The following ESF1 variants were observed in gnomAD, a reference collection of about 807,000 sequenced individuals.
ESF1 encodes ESF1 homolog.
In ESF1, 58 loss-of-function variants were observed where a neutral mutation model predicts 92.0. That is an observed-to-expected ratio of 0.63 (90% CI 0.51 to 0.78). The LOEUF is 0.78. Among genes scored for constraint, ESF1 ranks in the 30% least tolerant of loss-of-function variants. The pLI is 0.00. For synonymous variants in ESF1, 321 were observed against 313.7 expected, an observed-to-expected ratio of 1.02 and a Z score of -0.24; for missense variants, 922 against 989.1, an observed-to-expected ratio of 0.93 and a Z score of 0.91.
chr20:13,772,709 T>G, intron 4 of ESF1, 94 bp from the exon 5 acceptor site: 1 of 842,590 alleles, frequency 1.2e-6, no homozygotes, highest in South Asian at 1.5e-5. Context: ...AGTCACAACT[T>G]GACTCAATGA....
At chr20:13,723,927 T>C (rs144629259) in intron 11 of ESF1, among the ~76,000 whole-genome samples, 89 of 152,360 alleles carry the variant, frequency 5.8e-4, no homozygotes, top group East Asian at 2.5e-3. Context: ...AAACTAATAA[T>C]GAAGGCAACA....
At chr20:13,774,568 A>T (rs1979838967) in intron 4 of ESF1, among the ~76,000 whole-genome samples, 1 of 152,148 alleles carries the variant, frequency 6.6e-6, no homozygotes, top group Non-Finnish European at 1.5e-5. Flanking sequence ...ATCCATTTGG[A>T]TATATTGGAA....
intron 9 of ESF1, among the ~76,000 whole-genome samples, chr20:13,739,283 T>C (rs1418715433): frequency 6.6e-6 from 1 of 152,200 alleles, no homozygotes; most frequent in African/African-American, 2.4e-5. Flanking sequence ...TTCTTCCAAA[T>C]CGCCTTTTAC....
chr20:13,775,735 C>A lies in ESF1; in HGVS notation c.1035+138G>T, dbSNP rs73259205. 1.4e-3 allele frequency: 1,377 copies of A among 961,432 alleles called. 14 individuals are homozygous for A. The African/African-American group carries it at 0.021, about 15-fold the overall frequency. 59.6% of individuals were successfully genotyped at this position (961,432 alleles called of 1,614,324 possible). On this transcript the variant is annotated intron_variant, in intron 3 of 13. Transcript: ENST00000617257. ...TCTTCTAGTTCATATAATTATATTC[C>A]ATATCAAATTTTAATCAGAATCATA... is the stretch of plus-strand genomic sequence containing the variant.
intron 2 of ESF1, among the ~76,000 whole-genome samples, chr20:13,778,547 A>G (rs1232410884): frequency 6.6e-6 from 1 of 152,136 alleles, no homozygotes; most frequent in African/African-American, 2.4e-5. Context: ...GGGTAATTAC[A>G]TTGTTTTCTA....
chr20:13,761,354 G>A (rs563364336), intron 8 of ESF1, among the ~76,000 whole-genome samples: 4 of 144,792 alleles, frequency 2.8e-5, no homozygotes, highest in East Asian at 2.0e-4. Context: ...CCCCCTCTGC[G>A]AGAAACACCC....
rs917710360 is a variant in ESF1, at chr20:13,736,157, T to C, written c.1829-2315A>G. On this transcript the variant is annotated intron_variant, in intron 9 of 13. Transcript: ENST00000617257. ...CTACATCAGGTTTTCTCAATTTCAGTATTATTGTTATTTTGGACCAGATAA... is the reference window on the plus strand; with the variant it reads ...CTACATCAGGTTTTCTCAATTTCAGCATTATTGTTATTTTGGACCAGATAA... Among the ~76,000 whole-genome samples the C allele has an allele frequency of 3.9e-5, 6 of 152,296 alleles. No homozygotes were observed. In the South Asian group the frequency reaches 1.2e-3, roughly 32 times the overall value.
In ESF1 at chr20:13,775,204, G is replaced by T. The variant is rs370161105; in HGVS notation, c.1102C>A (p.Leu368Met). The T allele has an allele frequency of 1.4e-5, 22 of 1,610,942 alleles. No individual in the cohort carries two copies. Among genetic ancestry groups the T allele is most frequent in the Admixed American group, 3.4e-5 (2 of 59,160 alleles). Residue 368 changes from leucine (L) to methionine (M), a missense_variant, in exon 4 of 14, where the codon CTG becomes ATG. Coordinates refer to ENST00000617257, the MANE Select transcript of ESF1 (RefSeq NM_001276380.2). ...DRLKAKDLLA[L>M]FNSFKPKGGV... is the part of the protein sequence containing the mutation. ...CCTTTGGGTTTAAATGAATTGAACA[G>T]AGCCAGCAAATCTTTTGCCTTTAAT...
At chr20:13,736,507 G>A (rs2049976397) in intron 9 of ESF1, among the ~76,000 whole-genome samples, 1 of 152,152 alleles carries the variant, frequency 6.6e-6, no homozygotes, top group Non-Finnish European at 1.5e-5. Flanking sequence ...GCAGCTTAAA[G>A]TCACCTTCTT....
Position 13,714,706 on chromosome 20 carries a change from C to G in ESF1, c.*168G>C, listed in dbSNP as rs1600260281. ...GAATATACAATAAAAATTTGTCAGT[C>G]ATCCACAATTAAGTACAATTATTTA... On this transcript the variant is annotated 3_prime_UTR_variant, in exon 14 of 14. Transcript: ENST00000617257. 1.7e-6 allele frequency: 1 copy of G among 597,834 alleles called. No individual in the cohort carries two copies. Among genetic ancestry groups the G allele is most frequent in the East Asian group, 2.9e-5 (1 of 34,712 alleles). 37.0% of individuals were successfully genotyped at this position (597,834 alleles called of 1,614,324 possible).
At position 13,776,249 on chromosome 20, in the gene ESF1, CTT is replaced by C. The variant is rs1351668613; in HGVS notation, c.657_658del (p.Asp221GlnfsTer2). 6.2e-7 allele frequency: 1 copy of C among 1,612,692 alleles called. No individual in the cohort carries two copies. The highest frequency in any genetic ancestry group is 8.5e-7 in the Non-Finnish European group (1 of 1,179,518). On this transcript the variant is annotated frameshift_variant, in exon 3 of 14. Coordinates refer to ENST00000617257, the MANE Select transcript of ESF1 (RefSeq NM_001276380.2). LOFTEE classifies it high-confidence loss of function. ...TGAGTTTTCATAACCATCACTGTCTCTTGTCATTATGAGTTGAACCACTGCAA... is the reference window on the plus strand; with the variant it reads ...TGAGTTTTCATAACCATCACTGTCTCGTCATTATGAGTTGAACCACTGCAA...
Position 13,784,910 on chromosome 20 carries a change from G to T in ESF1, c.-74C>A. On this transcript the variant is annotated 5_prime_UTR_variant, in exon 1 of 14. Coordinates refer to ENST00000617257, the MANE Select transcript of ESF1 (RefSeq NM_001276380.2). ...GCAGTCCTACCAAGCCTCACGTGGG[G>T]CTCACACCCACAATCCTCCGCGTGA... The T allele has an allele frequency of 6.0e-6, 4 of 666,332 alleles. No individual in the cohort carries two copies. Among genetic ancestry groups the T allele is most frequent in the Non-Finnish European group, 1.0e-5 (4 of 389,702 alleles). The allele number at this position is 666,332 out of a possible 1,614,324, so 41.3% of individuals were successfully genotyped here.
chr20:13,725,280 A>G (rs900565947), intron 11 of ESF1, among the ~76,000 whole-genome samples: 1 of 152,206 alleles, frequency 6.6e-6, no homozygotes, highest in Non-Finnish European at 1.5e-5. Context: ...ATTTGTATTT[A>G]CTTTTATTTC....
At chr20:13,780,360 G>A (rs1263533792) in intron 2 of ESF1, among the ~76,000 whole-genome samples, 5 of 152,224 alleles carry the variant, frequency 3.3e-5, no homozygotes, top group Admixed American at 2.6e-4. Flanking sequence ...GTGGATGCTA[G>A]ACTAACTTAC....
chr20:13,775,400 C>G (rs566372057), intron 3 of ESF1, 130 bp from the exon 4 acceptor site: 1 of 544,706 alleles, frequency 1.8e-6, no homozygotes, highest in African/African-American at 1.9e-5. Context: ...GTTATCTAAG[C>G]GTAATTCAGT....
chr20:13,731,868 A>G (rs895339136), intron 10 of ESF1, among the ~76,000 whole-genome samples: 8 of 152,228 alleles, frequency 5.3e-5, no homozygotes, highest in Admixed American at 1.3e-4. Flanking sequence ...AAACGAGTTC[A>G]CAGAGCTTCT....
At position 13,783,022 on chromosome 20, in the gene ESF1, G is replaced by T; in HGVS notation, c.119C>A (p.Ala40Asp). The change falls in exon 2 of 14, where the codon GCC (alanine) becomes GAC (aspartate). Residue 40 changes from alanine to aspartate, a missense_variant. Transcript: ENST00000617257. ...RKVKIDKRFR[A>D]MFHDKKFKLN... Reference sequence around the variant, plus strand: ...CTTGAACTTCTTGTCATGAAACATGGCTCGAAATCTCTTGTCAATTTTGAC... The same window carrying T: ...CTTGAACTTCTTGTCATGAAACATGTCTCGAAATCTCTTGTCAATTTTGAC... 6.2e-7 allele frequency: 1 copy of T among 1,614,066 alleles called. No individual in the cohort carries two copies. Among genetic ancestry groups the T allele is most frequent in the Non-Finnish European group, 8.5e-7 (1 of 1,180,016 alleles).
rs1382986191 is a variant in ESF1 at position 13,776,035 on chromosome 20, C to T, written c.873G>A (p.Glu291=). The change falls in exon 3 of 14, where the codon GAG becomes GAA. Residue 291 remains glutamate, a synonymous_variant. Transcript: ENST00000617257. The stretch of plus-strand genomic sequence containing the variant: ...GGCCACTGTCACTTTTATCATCATC[C>T]TCACTATCCTCATCTTCATCCTCCT... ...DEEEDEDEDS[E]DDDKSDSGPD... is the part of the protein sequence containing the mutation. 4 of 1,613,868 alleles carry T rather than the reference C, an allele frequency of 2.5e-6. No individual in the cohort carries two copies. Among genetic ancestry groups the T allele is most frequent in the East Asian group, 2.2e-5 (1 of 44,862 alleles).
rs780265012 is a variant in ESF1, at chr20:13,775,933, T to C, written c.975A>G (p.Glu325=). 2.5e-6 allele frequency: 4 copies of C among 1,613,674 alleles called. No individual in the cohort carries two copies. The highest frequency in any genetic ancestry group is 3.4e-6 in the Non-Finnish European group (4 of 1,179,882). ...TCCAAGCATGCTCAAAACCAGATTC[T>C]TCTGGAAACAAATCTGCCGTATCAT... The part of the protein sequence containing the change: ...DEDDTADLFP[E]ESGFEHAWRE... Residue 325 remains glutamate (E), a synonymous_variant, in exon 3 of 14, where the codon GAA becomes GAG. Coordinates refer to ENST00000617257, the MANE Select transcript of ESF1 (RefSeq NM_001276380.2).
Sources: gnomAD v4.1 joint callset for allele counts (sites outside exome capture counted in the v4.1 genomes callset) on GRCh38, gnomAD v4.1.1 for gene constraint, MANE v1.5 for transcripts, NCBI Gene and HGNC (gene_info 2026-07-23, HGNC 2026-07-21) for gene names.